The following PPP1R13L variants were observed in gnomAD, a reference collection of about 807,000 sequenced individuals.
PPP1R13L encodes relA-associated inhibitor.
In PPP1R13L, 50 loss-of-function variants were observed where a neutral mutation model predicts 80.9. That is an observed-to-expected ratio of 0.62 (90% CI 0.49 to 0.78). The LOEUF is 0.78. Among genes scored for constraint, PPP1R13L ranks in the 30% least tolerant of loss-of-function variants. PPP1R13L has a pLI of 0.00. For missense variants in PPP1R13L, 1,200 were observed against 1,205.9 expected, an observed-to-expected ratio of 1.00 and a Z score of 0.07; for synonymous variants, 602 against 534.3, an observed-to-expected ratio of 1.13 and a Z score of -1.75.
chr19:45,390,883 C>T (rs988160967), intron 8 of PPP1R13L, among the ~76,000 whole-genome samples: 3 of 152,040 alleles, frequency 2.0e-5, no homozygotes, highest in Non-Finnish European at 4.4e-5. Context: ...CGCGCCCGGC[C>T]GAGACTCACT....
Position 45,396,821 on chromosome 19 carries a change from A to C in PPP1R13L, c.436T>G (p.Phe146Val). 1 of 1,453,654 alleles carries C rather than the reference A, an allele frequency of 6.9e-7. No homozygotes were observed. The highest frequency in any genetic ancestry group is 9.0e-7 in the Non-Finnish European group (1 of 1,111,512). The allele number at this position is 1,453,654 out of a possible 1,614,324, so 90.0% of individuals were successfully genotyped here. A position where few individuals can be genotyped will look rare whatever the true frequency, so the allele number is the denominator to read the frequency against. The part of the protein sequence containing the change: ...DRATSPRPRA[F>V]DGAGSSLGRA... ...CCGAGGGAGCTGCCTGCGCCATCGA[A>C]GGCGCGGGGCCGGGGCGAGGTCGCG... Residue 146 changes from phenylalanine (F) to valine (V), a missense_variant, in exon 4 of 13, where the codon TTC becomes GTC. Phe to Val is a conservative substitution (Grantham distance 50). Around this residue, in one of 5 missense-constraint regions of PPP1R13L, gnomAD observed 764 missense variants for 714.5 expected, o/e 1.07. Transcript: ENST00000360957. The surrounding 1 kb of genome is among the most constrained non-coding windows in gnomAD (Gnocchi z 5.3).
At chr19:45,403,927 C>T (rs192831190) in intron 1 of PPP1R13L, among the ~76,000 whole-genome samples, 1 of 152,176 alleles carries the variant, frequency 6.6e-6, no homozygotes, top group East Asian at 1.9e-4. Context: ...CAGACACCTC[C>T]AGAATTAGCC....
In PPP1R13L at chr19:45,396,757, C is replaced by T; in HGVS notation, c.500G>A (p.Arg167His). The T allele has an allele frequency of 1.5e-6, 2 of 1,353,292 alleles. No homozygotes were observed. The highest frequency in any genetic ancestry group is 9.4e-7 in the Non-Finnish European group (1 of 1,062,854). The allele number at this position is 1,353,292 out of a possible 1,614,324, so 83.8% of individuals were successfully genotyped here. Residue 167 changes from arginine to histidine, a missense_variant, in exon 4 of 13, where the codon CGC becomes CAC. Physicochemically the swap from Arg to His is conservative, Grantham distance 29 (BLOSUM62 0). Around this residue, in one of 5 missense-constraint regions of PPP1R13L, gnomAD observed 764 missense variants for 714.5 expected, o/e 1.07. Coordinates refer to ENST00000360957, the MANE Select transcript of PPP1R13L (RefSeq NM_006663.4). The surrounding 1 kb of genome is among the most constrained non-coding windows in gnomAD (Gnocchi z 5.3). ...GAAAGGCGTGGGGGGACCCTGCTGG[C>T]GGAGCGGGCCTGGCCCGGGCCGCGG... ...PSPRPGPGPL[R>H]QQGPPTPFDF... is the part of the protein sequence containing the mutation.
In PPP1R13L at chr19:45,385,923, A is replaced by C. The variant is rs1340378248; in HGVS notation, c.1982T>G (p.Ile661Ser). 4.3e-6 allele frequency: 7 copies of C among 1,612,272 alleles called. No individual in the cohort carries two copies. Among genetic ancestry groups the C allele is most frequent in the Non-Finnish European group, 5.9e-6 (7 of 1,179,452 alleles). ...NDPSQPNEEG[I>S]TALHNAICGA... ...GCAGATGGCGTTGTGCAAGGCAGTG[A>C]TGCCCTCCTCGTTGGGCTGGCTCGG... The change falls in exon 10 of 13, where the codon ATC becomes AGC. Residue 661 changes from isoleucine to serine, a missense_variant. Ile to Ser is a moderately radical substitution (Grantham distance 142). Around this residue, in one of 5 missense-constraint regions of PPP1R13L, gnomAD observed 214 missense variants for 199.6 expected, o/e 1.07. Coordinates refer to ENST00000360957, the MANE Select transcript of PPP1R13L (RefSeq NM_006663.4).
At chr19:45,406,269 G>A, upstream of PPP1R13L, 2 of 1,017,380 alleles carry the variant, frequency 2.0e-6, no homozygotes, top group Non-Finnish European at 2.4e-6. The surrounding 1 kb of genome is among the most constrained non-coding windows in gnomAD (Gnocchi z 4.2). Context: ...AGAAAGCACA[G>A]CCCTACTAAC....
chr19:45,395,178 G>A (rs1219300076), intron 7 of PPP1R13L: 3 of 509,556 alleles, frequency 5.9e-6, no homozygotes, highest in Non-Finnish European at 7.0e-6. Flanking sequence ...GAAAATTGAG[G>A]CCCAGTGAGG....
rs369542339 is a variant in PPP1R13L at position 45,396,298 on chromosome 19, C to T, written c.812-39G>A. ...ATCATTAGGGTCTGTGGGGCTGCCTCTCCTCCGGGTCCTCCATTCCCCGGG... is the reference window on the plus strand; with the variant it reads ...ATCATTAGGGTCTGTGGGGCTGCCTTTCCTCCGGGTCCTCCATTCCCCGGG... On this transcript the variant is annotated intron_variant, in intron 5 of 12. Transcript: ENST00000360957. This position sits in a 1 kb window ranked among gnomAD's most constrained non-coding sequence, Gnocchi z 5.3. 3.1e-6 allele frequency: 5 copies of T among 1,613,754 alleles called. 1 individual carries two copies. In the South Asian group the frequency reaches 5.5e-5, roughly 18 times the overall value.
At chr19:45,398,955 T>C (rs548333644) in intron 1 of PPP1R13L, among the ~76,000 whole-genome samples, 4 of 151,878 alleles carry the variant, frequency 2.6e-5, no homozygotes, top group African/African-American at 9.7e-5. Context: ...TGTTTTTGTT[T>C]GTTTTTGAGA....
Position 45,395,583 on chromosome 19 carries a change from G to C in PPP1R13L, c.1207C>G (p.Pro403Ala). The C allele has an allele frequency of 6.8e-7, 1 of 1,476,776 alleles. No individual in the cohort carries two copies. Among genetic ancestry groups the C allele is most frequent in the South Asian group, 1.4e-5 (1 of 72,974 alleles). 91.5% of individuals were successfully genotyped at this position (1,476,776 alleles called of 1,614,324 possible). The change falls in exon 7 of 13, where the codon CCG becomes GCG. Residue 403 changes from proline to alanine, a missense_variant. Pro to Ala is a conservative substitution (Grantham distance 27). Around this residue, in one of 5 missense-constraint regions of PPP1R13L, gnomAD observed 764 missense variants for 714.5 expected, o/e 1.07. Coordinates refer to ENST00000360957, the MANE Select transcript of PPP1R13L (RefSeq NM_006663.4). ...PGSPLFTRAP[P>A]PKLQPQPQPQ... ...TGTGGTTGGGGCTGCAGCTTAGGCG[G>C]GGGTGCTCGGGTGAAGAGGGGGGAC...
chr19:45,393,032 A>AC (rs1365690147), intron 7 of PPP1R13L: 6 of 148,712 alleles, frequency 4.0e-5, no homozygotes, highest in Non-Finnish European at 8.8e-5. Context: ...AAAAAAAAAA[A>AC]AAAATTAGCT....
chr19:45,396,641 G>T lies in PPP1R13L; in HGVS notation c.616C>A (p.Pro206Thr). The change falls in exon 4 of 13, where the codon CCC becomes ACC. Residue 206 changes from proline to threonine, a missense_variant. Transcript: ENST00000360957. This position sits in a 1 kb window ranked among gnomAD's most constrained non-coding sequence, Gnocchi z 5.3. ...FFPERGPSPR[P>T]PATAYDAPAS... ...GGCGCGTCGTAGGCTGTGGCAGGGG[G>T]GCGCGGTGACGGCCCACGCTCGGGG... 6.8e-7 allele frequency: 1 copy of T among 1,472,566 alleles called. No individual in the cohort carries two copies. Among genetic ancestry groups the T allele is most frequent in the Non-Finnish European group, 8.9e-7 (1 of 1,122,172 alleles). 91.2% of individuals were successfully genotyped at this position (1,472,566 alleles called of 1,614,324 possible). A position where few individuals can be genotyped will look rare whatever the true frequency, so the allele number is the denominator to read the frequency against.
At chr19:45,382,152 G>T (rs186896484) in intron 12 of PPP1R13L, among the ~76,000 whole-genome samples, 1 of 151,706 alleles carries the variant, frequency 6.6e-6, no homozygotes, top group African/African-American at 2.4e-5. Context: ...GGTTGAGCCC[G>T]GGTGGGGGGG....
chr19:45,391,017 G>A (rs1972961742), intron 8 of PPP1R13L, among the ~76,000 whole-genome samples: 1 of 152,048 alleles, frequency 6.6e-6, no homozygotes, highest in Non-Finnish European at 1.5e-5. Flanking sequence ...GGCCAGCATG[G>A]TGAAACCTCA....
Position 45,396,498 on chromosome 19 carries a change from C to T in PPP1R13L, c.712+47G>A, listed in dbSNP as rs780575107. On this transcript the variant is annotated intron_variant, in intron 4 of 12. Transcript: ENST00000360957. This position sits in a 1 kb window ranked among gnomAD's most constrained non-coding sequence, Gnocchi z 5.3. ...GGTGGCGAGCCCCGGATCCTGCCCG[C>T]TTTGACCCCGCGAGTCAAAGGCCCC... The T allele has an allele frequency of 3.1e-6, 5 of 1,607,526 alleles. No individual in the cohort carries two copies. In the Admixed American group the frequency reaches 8.4e-5, roughly 27 times the overall value.
chr19:45,397,753 G>A (rs1401224550), intron 3 of PPP1R13L, among the ~76,000 whole-genome samples: 2 of 151,878 alleles, frequency 1.3e-5, no homozygotes, highest in African/African-American at 4.8e-5. Flanking sequence ...TGCCCAGCCA[G>A]ATTTTTAAAA....
intron 1 of PPP1R13L, among the ~76,000 whole-genome samples, chr19:45,398,585 C>CTTTTTTTTTT (rs113649282): frequency 2.2e-5 from 3 of 136,530 alleles, no homozygotes; most frequent in Non-Finnish European, 3.2e-5. Context: ...TTTTTCTTTT[C>CTTTTTTTTTT]TTTTTTTTTT....
In PPP1R13L at chr19:45,396,229, G is replaced by T. The variant is rs774782626; in HGVS notation, c.842C>A (p.Pro281Gln). 1 of 1,609,872 alleles carries T rather than the reference G, an allele frequency of 6.2e-7. No homozygotes were observed. Among genetic ancestry groups the T allele is most frequent in the East Asian group, 2.2e-5 (1 of 44,768 alleles). ...RLDVFARPAS[P>Q]SLQLLPWRES... Reference sequence around the variant, plus strand: ...CCTCCAAGGCAACAGCTGCAGGCTCGGCGAGGCAGGCCTTGCGAAGACGTC... The same window carrying T: ...CCTCCAAGGCAACAGCTGCAGGCTCTGCGAGGCAGGCCTTGCGAAGACGTC... The change falls in exon 6 of 13, where the codon CCG becomes CAG. Residue 281 changes from proline (P) to glutamine (Q), a missense_variant. Transcript: ENST00000360957. The surrounding 1 kb of genome is among the most constrained non-coding windows in gnomAD (Gnocchi z 5.3).
chr19:45,381,881 A>G (rs1036160412), intron 12 of PPP1R13L, among the ~76,000 whole-genome samples: 1 of 151,994 alleles, frequency 6.6e-6, no homozygotes, highest in Non-Finnish European at 1.5e-5. Flanking sequence ...CAGAGGTTGC[A>G]GTGAGCCCAC....
At position 45,391,073 on chromosome 19, in the gene PPP1R13L, T is replaced by G. The variant is rs565708545; in HGVS notation, c.1815+807A>C. On this transcript the variant is annotated intron_variant, in intron 8 of 12. Coordinates refer to ENST00000360957, the MANE Select transcript of PPP1R13L (RefSeq NM_006663.4). ...ATTAGCCAGGAGTGGTGGCATACAC[T>G]TATAATCCCAGCTACTTGGGAAGCT... Among the ~76,000 whole-genome samples, 5 of 151,962 alleles carry G rather than the reference T, an allele frequency of 3.3e-5. No homozygotes were observed. In the South Asian group the frequency reaches 1.0e-3, roughly 32 times the overall value.
Sources: gnomAD v4.1 joint callset for allele counts (sites outside exome capture counted in the v4.1 genomes callset) on GRCh38, gnomAD v4.1.1 for gene constraint, gnomAD v4.1.1 regional missense constraint, Gnocchi (gnomAD v3.1) non-coding constraint, MANE v1.5 for transcripts, NCBI Gene and HGNC (gene_info 2026-07-23, HGNC 2026-07-21) for gene names.